Variants in IRF8 observed in about 807,000 individuals in gnomAD.
IRF8 encodes the protein interferon regulatory factor 8.
IRF8 carries 14 observed loss-of-function variants against 48.7 expected under a neutral mutation model. The ratio of observed to expected loss-of-function variants is 0.29; its 90% CI spans 0.19 to 0.45. IRF8 has a LOEUF of 0.45. IRF8 is among the 20% of genes least tolerant of loss of function. The probability of loss-of-function intolerance (pLI) is 1.00; values close to 1 mark genes in which losing one functional copy is unlikely to be tolerated. For synonymous variants in IRF8, 278 were observed against 227.3 expected (o/e 1.22, Z -2.01); for missense variants, 493 against 580.7 (o/e 0.85, Z 1.55).
chr16:85,911,982 G>T (rs1170604586), intron 4 of IRF8, among the ~76,000 whole-genome samples: 1 of 152,204 alleles, frequency 6.6e-6, no homozygotes, highest in East Asian at 1.9e-4. Flanking sequence ...CTTTTAAATG[G>T]CATCGTGAAT....
chr16:85,915,355 G>A (rs1597255065), intron 6 of IRF8, among the ~76,000 whole-genome samples: 1 of 152,240 alleles, frequency 6.6e-6, no homozygotes, highest in African/African-American at 2.4e-5. Flanking sequence ...TTAGGGCTGG[G>A]CCTCTGGGCA....
In IRF8 at chr16:85,921,276, C is replaced by T. The variant is rs147057451; in HGVS notation, c.1275C>T (p.Thr425=). ...RSFFRENQQI[T]V ...TTTTCAGAGAAAACCAACAGATCAC[C>T]GTCTAAGTGCGTCGCTTGGGCGCCC... is the stretch of plus-strand genomic sequence containing the variant. The change falls in exon 9 of 9, where the codon ACC becomes ACT. Residue 425 remains threonine (T), a synonymous_variant. Coordinates refer to ENST00000268638, the MANE Select transcript of IRF8 (RefSeq NM_002163.4). The T allele has an allele frequency of 2.2e-3, 3,512 of 1,613,712 alleles. 68 individuals are homozygous for T. The African/African-American group carries it at 0.04, about 19-fold the overall frequency.
chr16:85,899,783 T>A (rs1904768294), intron 1 of IRF8, among the ~76,000 whole-genome samples: 1 of 152,218 alleles, frequency 6.6e-6, no homozygotes, highest in East Asian at 1.9e-4. Flanking sequence ...AGTCTGTATA[T>A]GGGCCACAGC....
chr16:85,899,707 T>G (rs2152097424), intron 1 of IRF8, among the ~76,000 whole-genome samples: 1 of 152,308 alleles, frequency 6.6e-6, no homozygotes, highest in African/African-American at 2.4e-5. Flanking sequence ...TGACAGTCAA[T>G]TAAGATTTCT....
intron 7 of IRF8, among the ~76,000 whole-genome samples, chr16:85,919,138 C>T (rs902648456): frequency 4.6e-5 from 7 of 152,148 alleles, no homozygotes; most frequent in Non-Finnish European, 1.0e-4. Flanking sequence ...TGGCTAGAGA[C>T]ACAGAGTCTG....
rs1377474525 is a variant in IRF8, at chr16:85,909,820, G to A, written c.358+647G>A. The A allele has an allele frequency of 3.2e-5, 5 of 154,200 alleles. No individual in the cohort carries two copies. In the East Asian group the frequency reaches 9.5e-4, roughly 29 times the overall value. 9.6% of individuals were successfully genotyped at this position (154,200 alleles called of 1,614,324 possible). A position where few individuals can be genotyped will look rare whatever the true frequency, so the allele number is the denominator to read the frequency against. ...ATCTGGCCTCAGAAGGCTTCTCAAAGCCCTGTGCTGTGCCGCTGCCATGAA... is the reference window on the plus strand; with the variant it reads ...ATCTGGCCTCAGAAGGCTTCTCAAAACCCTGTGCTGTGCCGCTGCCATGAA... On this transcript the variant is annotated intron_variant, in intron 3 of 8. Coordinates refer to ENST00000268638, the MANE Select transcript of IRF8 (RefSeq NM_002163.4).
rs866930285 is a variant in IRF8, at chr16:85,921,447, G to A, written c.*165G>A. On this transcript the variant is annotated 3_prime_UTR_variant, in exon 9 of 9. Transcript: ENST00000268638. The stretch of plus-strand genomic sequence containing the variant: ...TCTCGGAGGAGTAGACGTTTAATAC[G>A]AAGTGGCGGCATAGCCCTGCCGAGA... 1.9e-4 allele frequency: 146 copies of A among 762,106 alleles called. 4 individuals are homozygous for A. In the South Asian group the frequency reaches 2.0e-3, roughly 11 times the overall value. 47.2% of individuals were successfully genotyped at this position (762,106 alleles called of 1,614,324 possible). A position where few individuals can be genotyped will look rare whatever the true frequency, so the allele number is the denominator to read the frequency against.
Position 85,922,203 on chromosome 16 carries a change from C to G in IRF8, c.*921C>G, listed in dbSNP as rs1317479343. 1 of 152,350 alleles carries G rather than the reference C, an allele frequency of 6.6e-6. No individual in the cohort carries two copies. 9.4% of individuals were successfully genotyped at this position (152,350 alleles called of 1,614,324 possible). On this transcript the variant is annotated 3_prime_UTR_variant, in exon 9 of 9. Transcript: ENST00000268638. ...GAAGGTGTTAGGGTTTGGGAGACAG[C>G]TCATCCAATCTCCCAAGTCTCATGG...
At chr16:85,914,655 C>T (rs1597254716) in intron 6 of IRF8, 135 bp downstream of exon 6, 4 of 984,106 alleles carry the variant, frequency 4.1e-6, no homozygotes, top group East Asian at 2.6e-5. Flanking sequence ...CAAGGATGAG[C>T]AGGACCTGGT....
chr16:85,913,816 G>A (rs557259889), intron 5 of IRF8, among the ~76,000 whole-genome samples: 12 of 152,358 alleles, frequency 7.9e-5, no homozygotes, highest in African/African-American at 2.9e-4. Context: ...GGGGTCACGA[G>A]GGTTAAGTGA....
intron 2 of IRF8, among the ~76,000 whole-genome samples, chr16:85,907,269 A>G (rs1288913010): frequency 6.6e-6 from 1 of 152,156 alleles, no homozygotes; most frequent in Non-Finnish European, 1.5e-5. Context: ...GTCTTTTTTG[A>G]GAGGAAAAAC....
intron 3 of IRF8, among the ~76,000 whole-genome samples, chr16:85,910,154 G>T (rs562284492): frequency 1.3e-5 from 2 of 152,202 alleles, no homozygotes; most frequent in Non-Finnish European, 2.9e-5. Context: ...TTGTGTAATC[G>T]TCATGAAGGA....
chr16:85,901,706 C>T (rs1161587603), intron 1 of IRF8, among the ~76,000 whole-genome samples: 1 of 152,194 alleles, frequency 6.6e-6, no homozygotes, highest in Non-Finnish European at 1.5e-5. Context: ...AATCCCACCT[C>T]CTCCTCCCTG....
intron 3 of IRF8, among the ~76,000 whole-genome samples, chr16:85,910,846 G>A (rs960247344): frequency 6.6e-6 from 1 of 152,200 alleles, no homozygotes; most frequent in South Asian, 2.1e-4. Context: ...AGGAAACAGT[G>A]GGTAAATTCT....
At chr16:85,917,185 G>A (rs965640158) in intron 6 of IRF8, among the ~76,000 whole-genome samples, 3 of 152,170 alleles carry the variant, frequency 2.0e-5, no homozygotes, top group African/African-American at 7.2e-5. Context: ...TCTAGGGGGC[G>A]CCGTGGAGTT....
intron 1 of IRF8, among the ~76,000 whole-genome samples, chr16:85,899,963 C>A (rs1904776523): frequency 6.6e-6 from 1 of 152,094 alleles, no homozygotes; most frequent in Admixed American, 6.5e-5. Context: ...AAGAAGTCTC[C>A]CCAACCAATG....
intron 2 of IRF8, among the ~76,000 whole-genome samples, chr16:85,906,648 G>A (rs942937539): frequency 7.8e-4 from 119 of 152,228 alleles, no homozygotes; most frequent in African/African-American, 2.6e-3. Flanking sequence ...CCGCGGTTGC[G>A]TATGTGTACC....
chr16:85,902,545 C>T (rs925359338), intron 1 of IRF8: 29 of 229,976 alleles, frequency 1.3e-4, no homozygotes, highest in Admixed American at 8.2e-4. Flanking sequence ...ACGGCACGGA[C>T]GCAGTATTCT....
intron 3 of IRF8, among the ~76,000 whole-genome samples, chr16:85,910,984 G>A (rs1373262908): frequency 1.3e-5 from 2 of 152,116 alleles, no homozygotes; most frequent in African/African-American, 4.8e-5. Context: ...GGCTGGCCCA[G>A]CGTGCCCCTG....
Sources: allele counts gnomAD v4.1 joint callset (sites outside exome capture counted in the v4.1 genomes callset), GRCh38; gene constraint gnomAD v4.1.1; transcripts MANE v1.5; gene names NCBI Gene and HGNC (gene_info 2026-07-23, HGNC 2026-07-21).